The following SYK variants were observed in gnomAD, a reference collection of about 807,000 sequenced individuals.
SYK encodes the protein spleen associated tyrosine kinase.
Under a neutral mutation model 77.8 loss-of-function variants are expected in SYK, and 16 were observed. That is an observed-to-expected ratio of 0.21 (90% CI 0.14 to 0.31). The LOEUF is 0.31. Among genes scored for constraint, SYK ranks in the 10% least tolerant of loss-of-function variants. The pLI is 1.00. For missense variants in SYK, 529 were observed against 814.4 expected, an observed-to-expected ratio of 0.65 and a Z score of 4.26; for synonymous variants, 312 against 308.7, an observed-to-expected ratio of 1.01 and a Z score of -0.11.
chr9:90,842,756 AGAGTGT>A (rs369273277), intron 1 of SYK, among the ~76,000 whole-genome samples: 36,545 of 143,468 alleles, frequency 0.25, 5,101 homozygotes, highest in African/African-American at 0.38. Context: ...TGGTATGGAG[AGAGTGT>A]GTGTGTGTGT....
chr9:90,850,834 G>T (rs1203799582), intron 3 of SYK, among the ~76,000 whole-genome samples: 1 of 151,394 alleles, frequency 6.6e-6, no homozygotes, highest in East Asian at 1.9e-4. Context: ...AAATGCCTTT[G>T]CTCAAACAGA....
At chr9:90,860,597 T>G (rs141307624) in intron 3 of SYK, among the ~76,000 whole-genome samples, 22 of 152,308 alleles carry the variant, frequency 1.4e-4, no homozygotes, top group African/African-American at 5.3e-4. Context: ...CACAGCCACC[T>G]GCTGAGGCCA....
rs111936039 is a variant in SYK, at chr9:90,890,120, ATTC to A, written c.1835+1499_1835+1501del. 3.3e-4 allele frequency among the ~76,000 whole-genome samples: 51 copies of A among 152,284 alleles called. 1 individual carries two copies. The highest frequency in any genetic ancestry group is 1.2e-3 in the African/African-American group (49 of 41,568). Reference sequence around the variant, plus strand: ...GATGCTGATCTATGTACTTCTGTCGATTCTTCTTTGTGGTGTGTGTTTAACAGT... The same window carrying A: ...GATGCTGATCTATGTACTTCTGTCGATTCTTTGTGGTGTGTGTTTAACAGT... On this transcript the variant is annotated intron_variant, in intron 13 of 13. Transcript: ENST00000375754.
chr9:90,841,955 T>G (rs1216834663), intron 1 of SYK, among the ~76,000 whole-genome samples: 2 of 146,564 alleles, frequency 1.4e-5, no homozygotes, highest in African/African-American at 5.0e-5. Flanking sequence ...GTGGTGTGTG[T>G]AGTGTGTTGT....
At chr9:90,834,227 C>T (rs988148303) in intron 1 of SYK, among the ~76,000 whole-genome samples, 1 of 152,210 alleles carries the variant, frequency 6.6e-6, no homozygotes, top group Admixed American at 6.5e-5. Context: ...CACATGCATG[C>T]CTTCTTATGA....
chr9:90,867,435 T>C (rs1191968361), intron 7 of SYK, among the ~76,000 whole-genome samples: 1 of 152,248 alleles, frequency 6.6e-6, no homozygotes, highest in East Asian at 1.9e-4. Flanking sequence ...AGTGTGAGCA[T>C]GCTTTCTGTG....
intron 7 of SYK, among the ~76,000 whole-genome samples, 191 bp downstream of exon 7, chr9:90,867,390 A>T (rs549773983): frequency 1.3e-5 from 2 of 152,156 alleles, no homozygotes; most frequent in Admixed American, 6.5e-5. Flanking sequence ...TGTGCTTTTC[A>T]TGTGGGTCCT....
intron 11 of SYK, among the ~76,000 whole-genome samples, chr9:90,884,486 C>CATATACATACAT (rs1442653561): frequency 5.3e-5 from 1 of 18,846 alleles, no homozygotes; most frequent in Admixed American, 6.5e-4. Context: ...CATACACACA[C>CATATACATACAT]ATACACATAT....
chr9:90,858,274 G>A (rs937733021), intron 3 of SYK, among the ~76,000 whole-genome samples: 4 of 152,174 alleles, frequency 2.6e-5, no homozygotes, highest in African/African-American at 7.2e-5. Context: ...TGCCTACCCT[G>A]GGAAAGTAGA....
In SYK at chr9:90,888,509, T is replaced by C. The variant is rs201685667; in HGVS notation, c.1723-6T>C. ...AAAAAGCTTATGCATATCTTGCATG[T>C]TGTAGGGGATGAAAGGAAGTGAAGT... On this transcript the variant is annotated splice_region_variant and splice_polypyrimidine_tract_variant and intron_variant, in intron 12 of 13. Transcript: ENST00000375754. The C allele has an allele frequency of 4.4e-6, 7 of 1,591,306 alleles. No individual in the cohort carries two copies. The highest frequency in any genetic ancestry group is 1.4e-5 in the African/African-American group (1 of 73,512).
chr9:90,873,114 A>AGTG (rs1244570806), intron 7 of SYK, among the ~76,000 whole-genome samples: 1 of 152,218 alleles, frequency 6.6e-6, no homozygotes, highest in East Asian at 1.9e-4. Context: ...GAGTGGCGGT[A>AGTG]GTGGTGCATT....
chr9:90,856,424 C>T (rs917387625), intron 3 of SYK, among the ~76,000 whole-genome samples: 7 of 152,160 alleles, frequency 4.6e-5, no homozygotes, highest in Non-Finnish European at 8.8e-5. Context: ...TCAATTCATC[C>T]TTTATATTTT....
Position 90,887,827 on chromosome 9 carries a change from G to C in SYK, c.1660G>C (p.Asp554His). ...INYYKFSSKS[D>H]VWSFGVLMWE... ...CTACTACAAGTTCTCCAGCAAAAGC[G>C]ATGTCTGGAGCTTTGGAGTGTTGAT... is the stretch of plus-strand genomic sequence containing the variant. The change falls in exon 12 of 14, where the codon GAT (aspartate) becomes CAT (histidine). Residue 554 changes from aspartate (D) to histidine (H), a missense_variant. Around this residue, in one of 2 missense-constraint regions of SYK, gnomAD observed 208 missense variants for 381.3 expected, o/e 0.55. Transcript: ENST00000375754. 1 of 1,613,534 alleles carries C rather than the reference G, an allele frequency of 6.2e-7. No homozygotes were observed. Among genetic ancestry groups the C allele is most frequent in the Non-Finnish European group, 8.5e-7 (1 of 1,179,770 alleles).
At chr9:90,872,993 A>C (rs1430435504) in intron 7 of SYK, among the ~76,000 whole-genome samples, 1 of 152,230 alleles carries the variant, frequency 6.6e-6, no homozygotes, top group Non-Finnish European at 1.5e-5. Context: ...ATAAGACCAG[A>C]TGTCCTTTAG....
chr9:90,845,139 C>A (rs1476335167), intron 2 of SYK, among the ~76,000 whole-genome samples: 1 of 152,008 alleles, frequency 6.6e-6, no homozygotes, highest in Non-Finnish European at 1.5e-5. Context: ...TTTCACCATG[C>A]TGGCCAGGCT....
intron 1 of SYK, among the ~76,000 whole-genome samples, chr9:90,829,149 G>A (rs1825786564): frequency 6.6e-6 from 1 of 152,092 alleles, no homozygotes; most frequent in South Asian, 2.1e-4. Context: ...AATTAGCTGG[G>A]TGTGGTGGTG....
chr9:90,817,652 G>A (rs1825335706), intron 1 of SYK, among the ~76,000 whole-genome samples: 1 of 152,052 alleles, frequency 6.6e-6, no homozygotes, highest in African/African-American at 2.4e-5. Context: ...GTGTGGACAT[G>A]CCTTCATCTG....
intron 9 of SYK, among the ~76,000 whole-genome samples, chr9:90,876,876 A>G: frequency 6.6e-6 from 1 of 152,222 alleles, no homozygotes; most frequent in East Asian, 1.9e-4. Context: ...CAATTATGAA[A>G]GGCATTTTAT....
intron 4 of SYK, among the ~76,000 whole-genome samples, chr9:90,863,277 G>A (rs751647064): frequency 5.9e-5 from 9 of 152,082 alleles, no homozygotes; most frequent in African/African-American, 1.2e-4. Context: ...CCACCCCACC[G>A]CCCCAGAGCA....
Sources: allele counts gnomAD v4.1 joint callset (sites outside exome capture counted in the v4.1 genomes callset), GRCh38; gene constraint gnomAD v4.1.1; regional missense constraint gnomAD v4.1.1; transcripts MANE v1.5; gene names NCBI Gene and HGNC (gene_info 2026-07-23, HGNC 2026-07-21).